The following ERCC6L2 variants were observed in gnomAD, a reference collection of about 807,000 sequenced individuals.
ERCC6L2 encodes the protein ERCC excision repair 6 like 2.
A neutral mutation model predicts 132.0 loss-of-function variants in ERCC6L2; 77 were observed. The observed-to-expected ratio is 0.58, with a 90% CI of 0.49 to 0.71. The LOEUF is 0.71. ERCC6L2 is among the 30% of genes least tolerant of loss of function. The pLI is 0.00. For missense variants in ERCC6L2, 1,542 were observed against 1,837.6 expected (o/e 0.84, Z 2.94); for synonymous variants, 583 against 632.4 (o/e 0.92, Z 1.17).
intron 17 of ERCC6L2, among the ~76,000 whole-genome samples, chr9:95,990,872 A>C (rs1056345468): frequency 2.6e-5 from 4 of 152,210 alleles, no homozygotes; most frequent in African/African-American, 9.6e-5. Flanking sequence ...GAATCAGGTC[A>C]TATGAACTGT....
At chr9:96,031,378 T>C (rs1184825016) in intron 19 of ERCC6L2, among the ~76,000 whole-genome samples, 1 of 152,228 alleles carries the variant, frequency 6.6e-6, no homozygotes, top group East Asian at 1.9e-4. Flanking sequence ...CAGTCCGAAT[T>C]GTTCCTTGTA....
At chr9:95,989,738 T>C (rs1344262440) in intron 17 of ERCC6L2, among the ~76,000 whole-genome samples, 1 of 152,240 alleles carries the variant, frequency 6.6e-6, no homozygotes, top group Non-Finnish European at 1.5e-5. Context: ...TGCAGCATTA[T>C]TGGATGCTTG....
chr9:95,976,421 T>C (rs1296448662), intron 16 of ERCC6L2, among the ~76,000 whole-genome samples: 1 of 152,138 alleles, frequency 6.6e-6, no homozygotes, highest in East Asian at 1.9e-4. Flanking sequence ...CCTCTCAGCA[T>C]TGAAGAGCAA....
intron 6 of ERCC6L2, among the ~76,000 whole-genome samples, chr9:95,919,864 A>G (rs994603700): frequency 6.6e-6 from 1 of 152,228 alleles, no homozygotes; most frequent in African/African-American, 2.4e-5. Context: ...GAAATTCAGG[A>G]CACCACACCA....
Position 96,017,716 on chromosome 9 carries a change from G to A in ERCC6L2, c.*4513G>A, listed in dbSNP as rs1218354153. Reference sequence around the variant, plus strand: ...ACGACTTCCAGCGCCCCCCATCTCTGTATGCAGCTGAGCTCATGATGGAGC... The same window carrying A: ...ACGACTTCCAGCGCCCCCCATCTCTATATGCAGCTGAGCTCATGATGGAGC... On this transcript the variant is annotated 3_prime_UTR_variant, in exon 19 of 19. Coordinates refer to ENST00000653738, the MANE Select transcript of ERCC6L2 (RefSeq NM_020207.7). 6.6e-6 allele frequency among the ~76,000 whole-genome samples: 1 copy of A among 152,152 alleles called. No individual in the cohort carries two copies. The highest frequency in any genetic ancestry group is 1.5e-5 in the Non-Finnish European group (1 of 68,028).
chr9:95,897,645 G>T (rs1034777861), intron 2 of ERCC6L2, among the ~76,000 whole-genome samples: 3 of 152,146 alleles, frequency 2.0e-5, no homozygotes, highest in African/African-American at 4.8e-5. Context: ...AGATGGTAAT[G>T]TGAGGATTTT....
Position 95,921,217 on chromosome 9 carries a change from CAAA to C in ERCC6L2, c.1202_1204del (p.Gln401_Thr402delinsPro). The C allele has an allele frequency of 6.2e-7, 1 of 1,613,372 alleles. No individual in the cohort carries two copies. The highest frequency in any genetic ancestry group is 8.5e-7 in the Non-Finnish European group (1 of 1,179,508). On this transcript the variant is annotated inframe_deletion, in exon 7 of 19. Coordinates refer to ENST00000653738, the MANE Select transcript of ERCC6L2 (RefSeq NM_020207.7). ...GACAGATTTCCAGAAAGCTGTCTAT[CAAA>C]CAGTGTTAGAAACAGAGGACGTGAC...
intron 13 of ERCC6L2, among the ~76,000 whole-genome samples, chr9:95,959,521 T>C (rs1831798917): frequency 1.3e-5 from 2 of 151,842 alleles, no homozygotes; most frequent in Non-Finnish European, 2.9e-5. Context: ...AAAGCCAAAA[T>C]TGACAGATGG....
intron 12 of ERCC6L2, among the ~76,000 whole-genome samples, chr9:95,950,429 G>A (rs983071915): frequency 3.9e-5 from 6 of 151,912 alleles, no homozygotes; most frequent in Non-Finnish European, 8.8e-5. Context: ...GGAATTTAGG[G>A]GCAAAATAGT....
At chr9:95,953,458 C>T (rs1831441990) in intron 12 of ERCC6L2, among the ~76,000 whole-genome samples, 1 of 151,816 alleles carries the variant, frequency 6.6e-6, no homozygotes, top group Admixed American at 6.6e-5. Flanking sequence ...CACCTGTAGT[C>T]CCAGCTACTT....
At chr9:95,969,984 C>G (rs1832339841) in intron 14 of ERCC6L2, among the ~76,000 whole-genome samples, 1 of 152,134 alleles carries the variant, frequency 6.6e-6, no homozygotes, top group Non-Finnish European at 1.5e-5. Flanking sequence ...CTAAATGATA[C>G]ACCAGAAGCT....
intron 12 of ERCC6L2, among the ~76,000 whole-genome samples, chr9:95,948,246 C>CT (rs1831156455): frequency 6.6e-6 from 1 of 152,140 alleles, no homozygotes; most frequent in Admixed American, 6.5e-5. Context: ...TCATGGATGA[C>CT]TTTGAGGAGT....
At chr9:95,958,858 C>T (rs1831752775) in intron 13 of ERCC6L2, among the ~76,000 whole-genome samples, 1 of 152,042 alleles carries the variant, frequency 6.6e-6, no homozygotes, top group African/African-American at 2.4e-5. Flanking sequence ...CTGCAAACCA[C>T]TGCTCAATGA....
In ERCC6L2 at chr9:95,928,755, G is replaced by C. The variant is rs1475435264; in HGVS notation, c.1642G>C (p.Gly548Arg). The C allele has an allele frequency of 6.2e-7, 1 of 1,613,288 alleles. No individual in the cohort carries two copies. Among genetic ancestry groups the C allele is most frequent in the Non-Finnish European group, 8.5e-7 (1 of 1,179,610 alleles). ...DVLQQYCMAS[G>R]LDYRRLDGST... The stretch of plus-strand genomic sequence containing the variant: ...GCTACAGCAGTACTGTATGGCGTCT[G>C]GGCTTGATTACCGACGACTTGATGG... The change falls in exon 11 of 19, where the codon GGG becomes CGG. Residue 548 changes from glycine (G) to arginine (R), a missense_variant. By Grantham distance (125) the Gly-to-Arg change is moderately radical. Coordinates refer to ENST00000653738, the MANE Select transcript of ERCC6L2 (RefSeq NM_020207.7).
rs200311937 is a variant in ERCC6L2, at chr9:95,977,048, CTT to C, written c.3338-1008_3338-1007del. Among the ~76,000 whole-genome samples the C allele has an allele frequency of 7.6e-3, 1,155 of 151,470 alleles. 23 individuals carry two copies. The highest frequency in any genetic ancestry group is 0.027 in the African/African-American group (1,121 of 41,230). The stretch of plus-strand genomic sequence containing the variant: ...TAGGTTTGAGGAATTATTGCATAAA[CTT>C]TTTTAAATAATCAACTCAGTTTTTT... On this transcript the variant is annotated intron_variant, in intron 16 of 18. Coordinates refer to ENST00000653738, the MANE Select transcript of ERCC6L2 (RefSeq NM_020207.7).
intron 18 of ERCC6L2, among the ~76,000 whole-genome samples, chr9:96,005,085 G>A (rs1053045362): frequency 2.0e-5 from 3 of 152,188 alleles, no homozygotes; most frequent in Non-Finnish European, 4.4e-5. Flanking sequence ...AGGCCGAGGC[G>A]GGTGGATCAC....
chr9:95,910,467 A>G (rs967317554), intron 4 of ERCC6L2, among the ~76,000 whole-genome samples: 2 of 152,114 alleles, frequency 1.3e-5, no homozygotes, highest in Non-Finnish European at 2.9e-5. Flanking sequence ...TCCATTCACC[A>G]GTTGATGGAC....
intron 12 of ERCC6L2, among the ~76,000 whole-genome samples, chr9:95,950,567 A>G (rs1046168828): frequency 6.6e-6 from 1 of 152,214 alleles, no homozygotes; most frequent in Non-Finnish European, 1.5e-5. Flanking sequence ...TTTAAAAAAC[A>G]GTGTCCAAAT....
At chr9:96,034,680 G>A (rs990376551) in intron 19 of ERCC6L2, among the ~76,000 whole-genome samples, 5 of 152,166 alleles carry the variant, frequency 3.3e-5, no homozygotes, top group East Asian at 3.9e-4. Flanking sequence ...GCTGGTGGGA[G>A]CCCTGCCCCT....
Sources: gnomAD v4.1 joint callset for allele counts (sites outside exome capture counted in the v4.1 genomes callset) on GRCh38, gnomAD v4.1.1 for gene constraint, MANE v1.5 for transcripts, NCBI Gene and HGNC (gene_info 2026-07-23, HGNC 2026-07-21) for gene names.